The following MPP7 variants were observed in gnomAD, a reference collection of about 807,000 sequenced individuals.
MPP7 encodes MAGUK p55 scaffold protein 7.
Under a neutral mutation model 76.5 loss-of-function variants are expected in MPP7, and 60 were observed. The observed-to-expected ratio is 0.78, with a 90% CI of 0.64 to 0.97. The LOEUF (loss-of-function observed/expected upper bound fraction) is 0.97, where lower values mean the gene tolerates loss of function less well. Ranked by LOEUF, MPP7 falls within the 50% of genes least tolerant of loss-of-function variation. MPP7 has a pLI of 0.00. For missense variants in MPP7, 641 were observed against 694.0 expected, an observed-to-expected ratio of 0.92 and a Z score of 0.86; for synonymous variants, 237 against 244.5, an observed-to-expected ratio of 0.97 and a Z score of 0.29.
chr10:28,275,427 T>C (rs2133059610), intron 1 of MPP7, among the ~76,000 whole-genome samples: 1 of 150,594 alleles, frequency 6.6e-6, no homozygotes, highest in South Asian at 2.1e-4. Context: ...TTTTTTTTCA[T>C]ACAGAGTCTC....
chr10:28,241,235 T>A (rs1348972408), intron 1 of MPP7, among the ~76,000 whole-genome samples: 1 of 152,172 alleles, frequency 6.6e-6, no homozygotes, highest in Non-Finnish European at 1.5e-5. Flanking sequence ...TTTGAGCTGA[T>A]ATTGCTGCTG....
At chr10:28,102,214 A>G (rs145130395) in intron 11 of MPP7, among the ~76,000 whole-genome samples, 1 of 152,222 alleles carries the variant, frequency 6.6e-6, no homozygotes, top group East Asian at 1.9e-4. Flanking sequence ...ATCATTGTAG[A>G]TCACTGCAGC....
intron 1 of MPP7, among the ~76,000 whole-genome samples, chr10:28,266,615 C>T (rs929524467): frequency 4.6e-5 from 7 of 152,106 alleles, no homozygotes; most frequent in African/African-American, 1.7e-4. Flanking sequence ...GATAACACAA[C>T]AGAGAGAAGT....
chr10:28,066,253 G>A (rs1317427219), intron 13 of MPP7, among the ~76,000 whole-genome samples: 1 of 152,114 alleles, frequency 6.6e-6, no homozygotes, highest in African/African-American at 2.4e-5. Flanking sequence ...AAGACAGAAA[G>A]CAAGGGTTTC....
At chr10:28,185,346 C>T (rs2133924472) in intron 3 of MPP7, among the ~76,000 whole-genome samples, 1 of 152,180 alleles carries the variant, frequency 6.6e-6, no homozygotes, top group Admixed American at 6.6e-5. Context: ...ACAATGCCAG[C>T]TCTGAATTCT....
At chr10:28,260,392 G>C (rs1343770641) in intron 1 of MPP7, among the ~76,000 whole-genome samples, 1 of 152,056 alleles carries the variant, frequency 6.6e-6, no homozygotes, top group East Asian at 1.9e-4. Context: ...GACTATAAAT[G>C]GTTCTTTCCT....
chr10:28,108,163 G>C (rs1232991388), intron 11 of MPP7, among the ~76,000 whole-genome samples: 2 of 152,034 alleles, frequency 1.3e-5, no homozygotes, highest in African/African-American at 4.8e-5. Context: ...TTGAGTCCTC[G>C]GGTAAATACT....
intron 6 of MPP7, among the ~76,000 whole-genome samples, chr10:28,128,456 C>T (rs999460308): frequency 1.3e-5 from 2 of 152,116 alleles, no homozygotes; most frequent in African/African-American, 4.8e-5. Flanking sequence ...GGGATGCTCA[C>T]TCTGCACAGT....
intron 2 of MPP7, among the ~76,000 whole-genome samples, chr10:28,238,051 G>C (rs1221173609): frequency 6.6e-6 from 1 of 151,706 alleles, no homozygotes; most frequent in Non-Finnish European, 1.5e-5. Context: ...CATAAAATAT[G>C]TTTGTTTGTT....
At chr10:28,274,089 T>C (rs962880298) in intron 1 of MPP7, among the ~76,000 whole-genome samples, 4 of 147,010 alleles carry the variant, frequency 2.7e-5, no homozygotes, top group African/African-American at 1.0e-4. Flanking sequence ...CTCTGTAAAA[T>C]AAAATTTTTT....
At chr10:28,250,013 C>CAAAAA (rs34565971) in intron 1 of MPP7, among the ~76,000 whole-genome samples, 1 of 145,340 alleles carries the variant, frequency 6.9e-6, no homozygotes, top group Non-Finnish European at 1.5e-5. Context: ...TTGAAAGTCT[C>CAAAAA]AAAAAAAAAA....
At chr10:28,233,717 CAAAAAA>C (rs752333257) in intron 2 of MPP7, among the ~76,000 whole-genome samples, 20 of 73,382 alleles carry the variant, frequency 2.7e-4, no homozygotes, top group African/African-American at 8.5e-4. Flanking sequence ...GACTCCGTCT[CAAAAAA>C]AAAAAAAAAA....
At chr10:28,319,297 T>A (rs1834347108) in intron 2 of MPP7, among the ~76,000 whole-genome samples, 1 of 152,176 alleles carries the variant, frequency 6.6e-6, no homozygotes, top group African/African-American at 2.4e-5. Flanking sequence ...CCCACCAGGT[T>A]CCTCCACCAA....
chr10:28,302,772 C>T (rs1001153462), intron 1 of MPP7, among the ~76,000 whole-genome samples, 89 bp downstream of exon 1: 1 of 152,074 alleles, frequency 6.6e-6, no homozygotes, highest in Non-Finnish European at 1.5e-5. Flanking sequence ...GGCCCGGTCG[C>T]CGGCGCAGGG....
At chr10:28,156,567 G>A (rs1009084014) in intron 3 of MPP7, among the ~76,000 whole-genome samples, 4 of 152,114 alleles carry the variant, frequency 2.6e-5, no homozygotes, top group African/African-American at 7.2e-5. Flanking sequence ...CCTGAACAAA[G>A]GGCTAATGGA....
chr10:28,127,580 A>G (rs1835058744), intron 6 of MPP7, among the ~76,000 whole-genome samples: 1 of 151,548 alleles, frequency 6.6e-6, no homozygotes, highest in Non-Finnish European at 1.5e-5. Flanking sequence ...GTGCAGGGAA[A>G]CTCCCGTTTT....
intron 13 of MPP7, among the ~76,000 whole-genome samples, chr10:28,068,760 T>A (rs1369162185): frequency 6.6e-6 from 1 of 152,230 alleles, no homozygotes; most frequent in South Asian, 2.1e-4. Context: ...CTTCTAATCT[T>A]AAAGCTGGTG....
chr10:28,252,502 G>C (rs1311206240), intron 1 of MPP7, among the ~76,000 whole-genome samples: 4 of 152,180 alleles, frequency 2.6e-5, no homozygotes, highest in Non-Finnish European at 4.4e-5. Flanking sequence ...TAAAAAATCA[G>C]ATATTGCTCA....
At chr10:28,165,064 C>T (rs774235687) in intron 3 of MPP7, among the ~76,000 whole-genome samples, 9 of 152,084 alleles carry the variant, frequency 5.9e-5, no homozygotes, top group East Asian at 1.9e-4. Context: ...CTCACTAATA[C>T]CTATGGCTCC....
Sources: allele counts gnomAD v4.1 joint callset (sites outside exome capture counted in the v4.1 genomes callset), GRCh38; gene constraint gnomAD v4.1.1; transcripts MANE v1.5; gene names NCBI Gene and HGNC (gene_info 2026-07-23, HGNC 2026-07-21).